The following NR1D2 variants were observed in gnomAD, a reference collection of about 807,000 sequenced individuals.
The protein encoded by NR1D2 is V-erbA-related protein 1-related.
NR1D2 carries 25 observed loss-of-function variants against 52.2 expected under a neutral mutation model. That is an observed-to-expected ratio of 0.48 (90% confidence interval 0.35 to 0.67). The LOEUF (loss-of-function observed/expected upper bound fraction) is 0.67. Ranked by LOEUF, NR1D2 falls within the 30% of genes least tolerant of loss-of-function variation. The pLI is 0.01. For synonymous variants in NR1D2, 259 were observed against 230.1 expected, an observed-to-expected ratio of 1.13 and a Z score of -1.14; for missense variants, 681 against 707.2, an observed-to-expected ratio of 0.96 and a Z score of 0.42.
At chr3:23,946,298 C>A in intron 1 of NR1D2, 1 of 985,450 alleles carries the variant, frequency 1.0e-6, no homozygotes, top group Non-Finnish European at 1.2e-6. Context: ...CGAACCGGCG[C>A]CTGGGGAGGC....
In NR1D2 at chr3:23,977,141, C is replaced by G. The variant is rs1473852416; in HGVS notation, c.1544-82C>G. The stretch of plus-strand genomic sequence containing the variant: ...CCTTGCTTTCTATTCGTTAGTGACA[C>G]TGATAAGCAAGAATTTTATTTATAT... On this transcript the variant is annotated intron_variant, in intron 7 of 7. Coordinates refer to ENST00000312521, the MANE Select transcript of NR1D2 (RefSeq NM_005126.5). The G allele has an allele frequency of 5.0e-6, 4 of 796,446 alleles. No individual in the cohort carries two copies. In the African/African-American group the frequency reaches 5.3e-5, roughly 11 times the overall value. The allele number at this position is 796,446 out of a possible 1,614,324, so 49.3% of individuals were successfully genotyped here.
intron 5 of NR1D2, chr3:23,964,653 C>G (rs1706390850): frequency 5.5e-6 from 1 of 180,512 alleles, no homozygotes; most frequent in African/African-American, 2.4e-5. Context: ...TTATAAAACA[C>G]CATATACTAG....
In NR1D2 at chr3:23,967,890, T is replaced by A; in HGVS notation, c.1410T>A (p.Ser470Arg). Reference sequence around the variant, plus strand: ...CCTTTTTAAGTGGAAAGAAATATAGTGTGGATGATTTACACTCAATGGGAG... The same window carrying A: ...CCTTTTTAAGTGGAAAGAAATATAGAGTGGATGATTTACACTCAATGGGAG... ...TVTFLSGKKY[S>R]VDDLHSMGAG... The change falls in exon 7 of 8, where the codon AGT becomes AGA. Residue 470 changes from serine to arginine, a missense_variant. Around this residue, in one of 3 missense-constraint regions of NR1D2, gnomAD observed 475 missense variants for 454.5 expected, o/e 1.05. Coordinates refer to ENST00000312521, the MANE Select transcript of NR1D2 (RefSeq NM_005126.5). The A allele has an allele frequency of 6.2e-7, 1 of 1,614,072 alleles. No homozygotes were observed. Among genetic ancestry groups the A allele is most frequent in the Non-Finnish European group, 8.5e-7 (1 of 1,179,920 alleles).
At chr3:23,961,709 C>A (rs930863999) in intron 4 of NR1D2, among the ~76,000 whole-genome samples, 1 of 152,072 alleles carries the variant, frequency 6.6e-6, no homozygotes, top group African/African-American at 2.4e-5. Flanking sequence ...TTTCCTATTT[C>A]TTTTCTTAGA....
rs1388113640 is a variant in NR1D2, at chr3:23,965,011, C to T, written c.1181C>T (p.Pro394Leu). Reference sequence around the variant, plus strand: ...ATGAGTAAGTCTCCATATGTGGATCCTCATAAATCAGGACATGAAATCTGG... The same window carrying T: ...ATGAGTAAGTCTCCATATGTGGATCTTCATAAATCAGGACATGAAATCTGG... ...CPMSKSPYVD[P>L]HKSGHEIWEE... The change falls in exon 6 of 8, where the codon CCT becomes CTT. Residue 394 changes from proline to leucine, a missense_variant. Around this residue, in one of 3 missense-constraint regions of NR1D2, gnomAD observed 475 missense variants for 454.5 expected, o/e 1.05. Transcript: ENST00000312521. The T allele has an allele frequency of 2.5e-6, 4 of 1,613,508 alleles. No individual in the cohort carries two copies. In the South Asian group the frequency reaches 3.3e-5, roughly 13 times the overall value.
intron 7 of NR1D2, among the ~76,000 whole-genome samples, chr3:23,974,631 T>A (rs1706677402): frequency 6.6e-6 from 1 of 152,106 alleles, no homozygotes; most frequent in South Asian, 2.1e-4. Flanking sequence ...AAATAGTGTT[T>A]TTTTTAAAAA....
intron 1 of NR1D2, 86 bp from the exon 2 acceptor site, chr3:23,954,451 T>G: frequency 8.8e-7 from 1 of 1,134,952 alleles, no homozygotes; most frequent in African/African-American, 1.5e-5. Context: ...GTTTCTAAAG[T>G]TAATGGCTTT....
At chr3:23,968,151 T>C (rs1706499883) in intron 7 of NR1D2, 128 bp downstream of exon 7, 1 of 679,350 alleles carries the variant, frequency 1.5e-6, no homozygotes. Context: ...TGCTAAATTG[T>C]ATGACCCTGT....
intron 1 of NR1D2, among the ~76,000 whole-genome samples, chr3:23,945,825 GC>G (rs1322741933): frequency 7.3e-5 from 11 of 149,750 alleles, no homozygotes; most frequent in South Asian, 6.3e-4. Context: ...GCCCGGCCCG[GC>G]CCCCCCCTCA....
intron 5 of NR1D2, chr3:23,963,136 C>A: frequency 2.0e-6 from 1 of 493,492 alleles, no homozygotes; most frequent in Non-Finnish European, 3.3e-6. Context: ...AGGATTTTCT[C>A]AGACTTCATC....
At position 23,959,658 on chromosome 3, in the gene NR1D2, C is replaced by T; in HGVS notation, c.373-13C>T. The stretch of plus-strand genomic sequence containing the variant: ...GTTTTTAAATGGGTAAGTAAATCTT[C>T]CTTTGTTCTTAGGGTTTCTTTCGGA... On this transcript the variant is annotated splice_polypyrimidine_tract_variant and intron_variant, in intron 3 of 7. Coordinates refer to ENST00000312521, the MANE Select transcript of NR1D2 (RefSeq NM_005126.5). 1.2e-6 allele frequency: 2 copies of T among 1,605,200 alleles called. No individual in the cohort carries two copies. The highest frequency in any genetic ancestry group is 1.7e-6 in the Non-Finnish European group (2 of 1,176,994).
chr3:23,949,891 A>G lies in NR1D2; in HGVS notation c.16+4297A>G, dbSNP rs184896633. The stretch of plus-strand genomic sequence containing the variant: ...AAAATGGGTAAGAAGACCCCAATAT[A>G]TGCAGGAATATCAGTGCTTCCTAGC... On this transcript the variant is annotated intron_variant, in intron 1 of 7. Transcript: ENST00000312521. Among the ~76,000 whole-genome samples, 180 of 152,328 alleles carry G rather than the reference A, an allele frequency of 1.2e-3. 2 individuals are homozygous for G. The highest frequency in any genetic ancestry group is 4.0e-3 in the African/African-American group (166 of 41,574).
chr3:23,971,530 A>G (rs1706591186), intron 7 of NR1D2, among the ~76,000 whole-genome samples: 1 of 151,904 alleles, frequency 6.6e-6, no homozygotes, highest in Non-Finnish European at 1.5e-5. Context: ...CGGCCTCCCA[A>G]AGTGTTGGGA....
chr3:23,963,176 A>G lies in NR1D2; in HGVS notation c.1146+571A>G, dbSNP rs1706331531. The G allele has an allele frequency of 4.5e-6, 4 of 898,038 alleles. No individual in the cohort carries two copies. The South Asian group carries it at 5.3e-5, about 12-fold the overall frequency. 55.6% of individuals were successfully genotyped at this position (898,038 alleles called of 1,614,324 possible). On this transcript the variant is annotated intron_variant, in intron 5 of 7. Coordinates refer to ENST00000312521, the MANE Select transcript of NR1D2 (RefSeq NM_005126.5). The stretch of plus-strand genomic sequence containing the variant: ...GAGATGACTTAATGTTGGTCATATC[A>G]TTGAAGCTTTTCTATTTTTCCATCA...
intron 7 of NR1D2, among the ~76,000 whole-genome samples, chr3:23,972,907 A>C (rs1188588051): frequency 6.6e-6 from 1 of 152,170 alleles, no homozygotes; most frequent in East Asian, 1.9e-4. Context: ...AATTTAATAC[A>C]ATCTATGGTT....
At chr3:23,967,469 A>T (rs1489760242) in intron 6 of NR1D2, among the ~76,000 whole-genome samples, 1 of 151,704 alleles carries the variant, frequency 6.6e-6, no homozygotes, top group Non-Finnish European at 1.5e-5. Flanking sequence ...AGCAAAAATT[A>T]GTTGGGCGTG....
intron 1 of NR1D2, chr3:23,946,120 T>C (rs1469482422): frequency 1.0e-6 from 1 of 984,298 alleles, no homozygotes; most frequent in African/African-American, 1.8e-5. Flanking sequence ...TCGCCGCGAT[T>C]CCCTCCTCCC....
At chr3:23,946,722 C>T (rs986742064) in intron 1 of NR1D2, 1 of 152,154 alleles carries the variant, frequency 6.6e-6, no homozygotes, top group African/African-American at 2.4e-5. Flanking sequence ...AAAAAATTAA[C>T]CTGTGGGTCG....
chr3:23,964,167 C>G (rs571372376), intron 5 of NR1D2, among the ~76,000 whole-genome samples: 1 of 151,742 alleles, frequency 6.6e-6, no homozygotes, highest in African/African-American at 2.4e-5. Flanking sequence ...CAACCTCCGC[C>G]TCCCGGTTCA....
Sources: allele counts gnomAD v4.1 joint callset (sites outside exome capture counted in the v4.1 genomes callset), GRCh38; gene constraint gnomAD v4.1.1; regional missense constraint gnomAD v4.1.1; transcripts MANE v1.5; gene names NCBI Gene and HGNC (gene_info 2026-07-23, HGNC 2026-07-21).